The following QRICH2 variants were observed in gnomAD, a reference collection of about 807,000 sequenced individuals.
The protein encoded by QRICH2 is glutamine-rich protein 2.
A neutral mutation model predicts 168.3 loss-of-function variants in QRICH2; 119 were observed. That is an observed-to-expected ratio of 0.71 (90% CI 0.61 to 0.82). The LOEUF (loss-of-function observed/expected upper bound fraction) is 0.82. Among genes scored for constraint, QRICH2 ranks in the 40% least tolerant of loss-of-function variants. The pLI is 0.00. For synonymous variants in QRICH2, 894 were observed against 951.2 expected, an observed-to-expected ratio of 0.94 and a Z score of 1.11; for missense variants, 2,241 against 2,491.6, an observed-to-expected ratio of 0.90 and a Z score of 2.14.
intron 16 of QRICH2, 57 bp from the exon 17 acceptor site, chr17:76,276,824 C>T: frequency 7.4e-7 from 1 of 1,351,888 alleles, no homozygotes; most frequent in Admixed American, 1.7e-5. Flanking sequence ...TCCCCTGGCC[C>T]CTTCACACGG....
rs545345067 is a variant in QRICH2, at chr17:76,285,900, C to T, written c.4011+1292G>A. ...AAAAACAACTTATTATGGCCAGGTGCGGTGGCTCACGCCTATAATCCCAGC... is the reference window on the plus strand; with the variant it reads ...AAAAACAACTTATTATGGCCAGGTGTGGTGGCTCACGCCTATAATCCCAGC... On this transcript the variant is annotated intron_variant, in intron 7 of 18. Coordinates refer to ENST00000680821, the MANE Select transcript of QRICH2 (RefSeq NM_001388453.1). Among the ~76,000 whole-genome samples, 51 of 151,658 alleles carry T rather than the reference C, an allele frequency of 3.4e-4. 1 individual carries two copies. The highest frequency in any genetic ancestry group is 2.9e-3 in the South Asian group (14 of 4,798).
At position 76,293,681 on chromosome 17, in the gene QRICH2, G is replaced by GTAAGC. The variant is rs1334413729; in HGVS notation, c.1041_1045dup (p.Thr349SerfsTer39). The GTAAGC allele has an allele frequency of 4.3e-6, 7 of 1,614,196 alleles. 1 individual carries two copies. In the South Asian group the frequency reaches 7.7e-5, roughly 18 times the overall value. The stretch of plus-strand genomic sequence containing the variant: ...TGCATTTCTTCTTGGTTGTGTCGAG[G>GTAAGC]TAAGCTTCTCTCTACTCCTGTGACG... On this transcript the variant is annotated frameshift_variant, in exon 4 of 19. Coordinates refer to ENST00000680821, the MANE Select transcript of QRICH2 (RefSeq NM_001388453.1). LOFTEE classifies it high-confidence loss of function.
rs151003437 is a variant in QRICH2, at chr17:76,308,126, C to CCGCGCCGGG, written c.-129_-128insCCCGGCGCG. 0.047 allele frequency: 57,882 copies of CCGCGCCGGG among 1,218,976 alleles called. 5,045 individuals are homozygous for CCGCGCCGGG. The highest frequency in any genetic ancestry group is 0.37 in the African/African-American group (23,420 of 63,552). 75.5% of individuals were successfully genotyped at this position (1,218,976 alleles called of 1,614,324 possible). Reference sequence around the variant, plus strand: ...CGGGGCGCCCCTGCCCCGGGTCCGGCCGAGTCACTGGACAGAGCTCCTGCC... The same window carrying CCGCGCCGGG: ...CGGGGCGCCCCTGCCCCGGGTCCGGCCGCGCCGGGCGAGTCACTGGACAGAGCTCCTGCC... On this transcript the variant is annotated 5_prime_UTR_variant, in exon 1 of 19. Coordinates refer to ENST00000680821, the MANE Select transcript of QRICH2 (RefSeq NM_001388453.1).
chr17:76,298,181 A>ATTT (rs1244588706), intron 3 of QRICH2, among the ~76,000 whole-genome samples: 23,693 of 84,010 alleles, frequency 0.28, 4,391 homozygotes, highest in East Asian at 0.55. Flanking sequence ...TTTCTGGCTA[A>ATTT]TTTTTTTTTT....
chr17:76,279,968 CAG>C, intron 12 of QRICH2, 63 bp downstream of exon 12: 3 of 1,518,142 alleles, frequency 2.0e-6, no homozygotes, highest in Non-Finnish European at 2.6e-6. Context: ...TGGAGACCCC[CAG>C]CCCCCTCTGC....
Position 76,297,870 on chromosome 17 carries a change from G to GTTTTTTTTTTTTTTT in QRICH2, c.706-3864_706-3850dup, listed in dbSNP as rs1169251679. Among the ~76,000 whole-genome samples, 39 of 79,488 alleles carry GTTTTTTTTTTTTTTT rather than the reference G, an allele frequency of 4.9e-4. 4 individuals are homozygous for GTTTTTTTTTTTTTTT. The highest frequency in any genetic ancestry group is 7.6e-4 in the African/African-American group (14 of 18,486). 52.1% of individuals were successfully genotyped at this position (79,488 alleles called of 152,430 possible). On this transcript the variant is annotated intron_variant, in intron 3 of 18. Transcript: ENST00000680821. ...AGTAGCTAGGACTACTTAGGAATCT[G>GTTTTTTTTTTTTTTT]TTTTTTTTTTTTTTTTTTTTTTTTT...
At chr17:76,274,376 GAC>G (rs1568100710) in intron 18 of QRICH2, 116 bp from the exon 19 acceptor site, 1 of 1,119,430 alleles carries the variant, frequency 8.9e-7, no homozygotes, top group South Asian at 1.6e-5. Flanking sequence ...ATGCTGGGCT[GAC>G]ACAGGCTGGA....
rs2070700603 is a variant in QRICH2 at position 76,277,320 on chromosome 17, A to G, written c.5118-10T>C. 8 of 1,609,120 alleles carry G rather than the reference A, an allele frequency of 5.0e-6. No individual in the cohort carries two copies. Among genetic ancestry groups the G allele is most frequent in the African/African-American group, 1.3e-5 (1 of 74,576 alleles). On this transcript the variant is annotated splice_polypyrimidine_tract_variant and intron_variant, in intron 15 of 18. Transcript: ENST00000680821. ...AGCCATATCTGTCACCCTGTGATGA[A>G]GACAGGATGGAGTCATTGGGAGCAG... is the stretch of plus-strand genomic sequence containing the variant.
At position 76,293,947 on chromosome 17, in the gene QRICH2, G is replaced by A. The variant is rs138067412; in HGVS notation, c.780C>T (p.Ser260=). Residue 260 remains serine, a synonymous_variant, in exon 4 of 19, where the codon AGC becomes AGT. Transcript: ENST00000680821. ...TACTTGGTTGCTTGGTAGAGTCTCC[G>A]CTTAGAGTCCCTTCAGGTGATGTTA... ...TSLTSPEGTL[S]GDSTKQPSIE... The A allele has an allele frequency of 1.1e-5, 17 of 1,614,114 alleles. No individual in the cohort carries two copies. Among genetic ancestry groups the A allele is most frequent in the African/African-American group, 8.0e-5 (6 of 75,030 alleles).
intron 16 of QRICH2, 82 bp downstream of exon 16, chr17:76,277,081 T>C: frequency 7.0e-7 from 1 of 1,419,664 alleles, no homozygotes; most frequent in Non-Finnish European, 9.4e-7. Context: ...TGGCTGATTT[T>C]CTGGTGGCTT....
intron 3 of QRICH2, among the ~76,000 whole-genome samples, chr17:76,301,963 G>A (rs1029909248): frequency 2.2e-4 from 33 of 150,410 alleles, no homozygotes; most frequent in Non-Finnish European, 3.8e-4. Context: ...GCAGTGGCAC[G>A]ATCTTAGCTC....
chr17:76,282,141 C>A, intron 7 of QRICH2, 26 bp from the exon 8 acceptor site: 2 of 1,581,990 alleles, frequency 1.3e-6, no homozygotes, highest in Admixed American at 3.4e-5. Context: ...ACGGCAGCAG[C>A]AGGGCAGTGA....
In QRICH2 at chr17:76,279,026, T is replaced by C; in HGVS notation, c.4916+15A>G. The stretch of plus-strand genomic sequence containing the variant: ...CCCCGGACCCATATGTCCCATATGC[T>C]GTCCCATAGCATACTTGCGGCTATG... On this transcript the variant is annotated intron_variant, in intron 14 of 18. Coordinates refer to ENST00000680821, the MANE Select transcript of QRICH2 (RefSeq NM_001388453.1). 1 of 1,606,368 alleles carries C rather than the reference T, an allele frequency of 6.2e-7. No homozygotes were observed. The highest frequency in any genetic ancestry group is 8.5e-7 in the Non-Finnish European group (1 of 1,173,886).
In QRICH2 at chr17:76,293,937, TAG is replaced by T. The variant is rs2071062825; in HGVS notation, c.788_789del (p.Ser263TyrfsTer7). Reference protein sequence around the residue: ...TSPEGTLSGDSTKQPSIEQAL... With the variant: ...TSPEGTLSGDXTKQPSIEQAL... ...GCCTGCTCAATACTTGGTTGCTTGG[TAG>T]AGTCTCCGCTTAGAGTCCCTTCAGG... On this transcript the variant is annotated frameshift_variant, in exon 4 of 19. Transcript: ENST00000680821. LOFTEE classifies it high-confidence loss of function. The T allele has an allele frequency of 1.2e-6, 2 of 1,614,140 alleles. No homozygotes were observed. The highest frequency in any genetic ancestry group is 1.1e-5 in the South Asian group (1 of 91,086).
chr17:76,276,339 C>T (rs1368180516), intron 17 of QRICH2, among the ~76,000 whole-genome samples: 1 of 152,184 alleles, frequency 6.6e-6, no homozygotes, highest in Non-Finnish European at 1.5e-5. Context: ...AGCGGTGGGG[C>T]TCAGCAGAGG....
In QRICH2 at chr17:76,280,479, C is replaced by G; in HGVS notation, c.4462-28G>C. ...GCCCAGAGACAGACAGAGGTCCCCG[C>G]ATCTGGGAGATGGCCATGGAGGGGC... On this transcript the variant is annotated intron_variant, in intron 10 of 18. Transcript: ENST00000680821. This position sits in a 1 kb window ranked among gnomAD's most constrained non-coding sequence, Gnocchi z 7.4. 6.2e-7 allele frequency: 1 copy of G among 1,610,078 alleles called. No homozygotes were observed. Among genetic ancestry groups the G allele is most frequent in the Non-Finnish European group, 8.5e-7 (1 of 1,177,920 alleles).
chr17:76,308,250 TC>T lies in QRICH2; in HGVS notation c.-253del, dbSNP rs1309662338. Reference sequence around the variant, plus strand: ...GGGTCCCCGAGCTGGAGCCCTGGACTCCCAGTCCCCGCGCCGGCGGACGTTT... The same window carrying T: ...GGGTCCCCGAGCTGGAGCCCTGGACTCCAGTCCCCGCGCCGGCGGACGTTT... On this transcript the variant is annotated 5_prime_UTR_variant, in exon 1 of 19. Coordinates refer to ENST00000680821, the MANE Select transcript of QRICH2 (RefSeq NM_001388453.1). 10 of 985,256 alleles carry T rather than the reference TC, an allele frequency of 1.0e-5. No homozygotes were observed. Among genetic ancestry groups the T allele is most frequent in the Non-Finnish European group, 1.2e-5 (10 of 829,886 alleles). 61.0% of individuals were successfully genotyped at this position (985,256 alleles called of 1,614,324 possible).
rs762288253 is a variant in QRICH2, at chr17:76,280,702, G to A, written c.4413C>T (p.Leu1471=). Residue 1471 remains leucine, a synonymous_variant, in exon 10 of 19, where the codon CTC becomes CTT. Coordinates refer to ENST00000680821, the MANE Select transcript of QRICH2 (RefSeq NM_001388453.1). This position sits in a 1 kb window ranked among gnomAD's most constrained non-coding sequence, Gnocchi z 7.4. ...GCTCCCTGTTGGCCTTTTCCTTTTCGAGCTTCTCCAGACCCTGGTACAGCA... is the reference window on the plus strand; with the variant it reads ...GCTCCCTGTTGGCCTTTTCCTTTTCAAGCTTCTCCAGACCCTGGTACAGCA... The part of the protein sequence containing the change: ...IAMLYQGLEK[L]EKEKANREHL... 4.3e-6 allele frequency: 7 copies of A among 1,613,920 alleles called. No homozygotes were observed. The highest frequency in any genetic ancestry group is 1.3e-5 in the African/African-American group (1 of 74,880).
In QRICH2 at chr17:76,288,412, A is replaced by AAAG. The variant is rs1241926180; in HGVS notation, c.3799-516_3799-515insCTT. On this transcript the variant is annotated intron_variant, in intron 5 of 18. Transcript: ENST00000680821. The stretch of plus-strand genomic sequence containing the variant: ...AAAAAAAAAAAAAAAAAAAAAAAAA[A>AAAG]GGAATGACTGGGCCGGGCGTGGTGG... Among the ~76,000 whole-genome samples, 34 of 140,632 alleles carry AAAG rather than the reference A, an allele frequency of 2.4e-4. 2 individuals carry two copies. Among genetic ancestry groups the AAAG allele is most frequent in the African/African-American group, 9.7e-4 (34 of 35,048 alleles). 92.3% of individuals were successfully genotyped at this position (140,632 alleles called of 152,430 possible). A position where few individuals can be genotyped will look rare whatever the true frequency, so the allele number is the denominator to read the frequency against.
Sources: allele counts gnomAD v4.1 joint callset (sites outside exome capture counted in the v4.1 genomes callset), GRCh38; gene constraint gnomAD v4.1.1; non-coding constraint Gnocchi (gnomAD v3.1); transcripts MANE v1.5; gene names NCBI Gene and HGNC (gene_info 2026-07-23, HGNC 2026-07-21).